SRGAP2: variants seen among roughly 807,000 people sequenced by gnomAD.
The protein encoded by SRGAP2 is SLIT-ROBO Rho GTPase activating protein 2.
In SRGAP2, 15 loss-of-function variants were observed where a neutral mutation model predicts 57.2. The ratio of observed to expected loss-of-function variants is 0.26; its 90% CI spans 0.18 to 0.40. The LOEUF is 0.40. Among genes scored for constraint, SRGAP2 ranks in the 10% least tolerant of loss-of-function variants. SRGAP2 has a pLI of 1.00. For synonymous variants in SRGAP2, 249 were observed against 248.0 expected, an observed-to-expected ratio of 1.00 and a Z score of -0.04; for missense variants, 520 against 669.6, an observed-to-expected ratio of 0.78 and a Z score of 2.47.
chr1:206,355,519 A>C (rs1446813478), intron 4 of SRGAP2, among the ~76,000 whole-genome samples: 1 of 152,104 alleles, frequency 6.6e-6, no homozygotes, highest in African/African-American at 2.4e-5. Context: ...TTTAAATCAC[A>C]TGATAGAAAC....
rs562113886 is a variant in SRGAP2 at position 206,424,714 on chromosome 1, A to AATTC, written c.1494+3441_1494+3442insTTCA. On this transcript the variant is annotated intron_variant, in intron 13 of 22. Transcript: ENST00000573034. ...TTAACTCTATGCAAGGGCAGTGGTG[A>AATTC]AGTGCAGGTCTTCGTGGCACCACAG... 8.1e-4 allele frequency among the ~76,000 whole-genome samples: 124 copies of AATTC among 152,380 alleles called. 1 individual carries two copies. The highest frequency in any genetic ancestry group is 2.9e-3 in the African/African-American group (120 of 41,594).
intron 4 of SRGAP2, among the ~76,000 whole-genome samples, chr1:206,375,332 C>G (rs1655099921): frequency 6.6e-6 from 1 of 151,564 alleles, no homozygotes; most frequent in Non-Finnish European, 1.5e-5. Context: ...CATTTCTACT[C>G]TGTGCTTTTA....
intron 7 of SRGAP2, among the ~76,000 whole-genome samples, chr1:206,401,056 T>C (rs1314338172): frequency 6.6e-6 from 1 of 151,072 alleles, no homozygotes; most frequent in Non-Finnish European, 1.5e-5. Context: ...GCAGGTTGTA[T>C]TTTTATTGTT....
chr1:206,418,642 A>G (rs111547993), intron 11 of SRGAP2, among the ~76,000 whole-genome samples: 691 of 152,310 alleles, frequency 4.5e-3, no homozygotes, highest in Non-Finnish European at 8.0e-3. Context: ...AATACTTCTC[A>G]TGAACTTGAA....
chr1:206,372,935 C>A (rs1654700040), intron 4 of SRGAP2, among the ~76,000 whole-genome samples: 1 of 7,848 alleles, frequency 1.3e-4, no homozygotes, highest in Non-Finnish European at 1.9e-4. Flanking sequence ...TTCTTTCTTT[C>A]TTTCTTTCTT....
At chr1:206,323,185 A>T (rs144703004) in intron 3 of SRGAP2, among the ~76,000 whole-genome samples, 69,178 of 148,702 alleles carry the variant, frequency 0.47, 16,203 homozygotes, top group East Asian at 0.71. Flanking sequence ...CAGACCTTCA[A>T]TGTAGTTATA....
In SRGAP2 at chr1:206,458,792, T is replaced by G; in HGVS notation, c.2677T>G (p.Cys893Gly). 1.3e-6 allele frequency: 1 copy of G among 780,786 alleles called. No homozygotes were observed. Among genetic ancestry groups the G allele is most frequent in the Non-Finnish European group, 2.4e-6 (1 of 417,962 alleles). The allele number at this position is 780,786 out of a possible 1,614,324, so 48.4% of individuals were successfully genotyped here. A position where few individuals can be genotyped will look rare whatever the true frequency, so the allele number is the denominator to read the frequency against. Residue 893 changes from cysteine (C) to glycine (G), a missense_variant, in exon 22 of 23, where the codon TGT becomes GGT. This residue lies in a region of SRGAP2 where 478 missense variants were observed against 373.6 expected (regional missense o/e 1.28). Coordinates refer to ENST00000573034, the MANE Select transcript of SRGAP2 (RefSeq NM_015326.5). ...CCTCCCCAAAGAAGGGCCAGATAAGTGTTCCATCAGTGGGCACGGGAGCCT... is the reference window on the plus strand; with the variant it reads ...CCTCCCCAAAGAAGGGCCAGATAAGGGTTCCATCAGTGGGCACGGGAGCCT... ...QSLPKEGPDK[C>G]SISGHGSLNS...
At chr1:206,434,055 T>C (rs1286440062) in intron 14 of SRGAP2, among the ~76,000 whole-genome samples, 1 of 152,226 alleles carries the variant, frequency 6.6e-6, no homozygotes, top group African/African-American at 2.4e-5. Flanking sequence ...TAAAAATTTT[T>C]GTGTATAGGC....
At chr1:206,402,358 C>G (rs1451690357) in intron 8 of SRGAP2, among the ~76,000 whole-genome samples, 2 of 151,868 alleles carry the variant, frequency 1.3e-5, no homozygotes, top group Non-Finnish European at 2.9e-5. Context: ...ATAAAAAGGG[C>G]CTAAAAAAGC....
intron 3 of SRGAP2, among the ~76,000 whole-genome samples, chr1:206,307,189 C>A (rs1239666348): frequency 1.3e-5 from 2 of 151,648 alleles, no homozygotes; most frequent in East Asian, 1.9e-4. Flanking sequence ...ATATAGAGTG[C>A]CGATTGGTGT....
intron 2 of SRGAP2, among the ~76,000 whole-genome samples, chr1:206,277,847 T>G (rs1355717342): frequency 2.0e-5 from 3 of 152,120 alleles, no homozygotes; most frequent in African/African-American, 7.2e-5. Context: ...GGCATGGTGG[T>G]GCACGCTTGT....
chr1:206,307,667 C>T (rs2102773499), intron 3 of SRGAP2, among the ~76,000 whole-genome samples: 1 of 152,262 alleles, frequency 6.6e-6, no homozygotes, highest in East Asian at 1.9e-4. Context: ...CTGGGGGACT[C>T]AGTACACCCT....
intron 17 of SRGAP2, among the ~76,000 whole-genome samples, chr1:206,442,624 A>G (rs1042584116): frequency 1.3e-5 from 2 of 152,242 alleles, no homozygotes; most frequent in African/African-American, 4.8e-5. Context: ...AATTCAAATT[A>G]TTCATTTTGT....
At chr1:206,457,662 G>A (rs1663951171) in intron 21 of SRGAP2, among the ~76,000 whole-genome samples, 2 of 152,222 alleles carry the variant, frequency 1.3e-5, no homozygotes, top group Admixed American at 6.5e-5. Flanking sequence ...CAGGCAGAAA[G>A]ATGAGGAAGA....
rs1553379263 is a variant in SRGAP2, at chr1:206,458,640, A to G, written c.2525A>G (p.Glu842Gly). The change falls in exon 22 of 23, where the codon GAA becomes GGA. Residue 842 changes from glutamate (E) to glycine (G), a missense_variant. Glu to Gly is a moderately conservative substitution (Grantham distance 98). Around this residue, in one of 5 missense-constraint regions of SRGAP2, gnomAD observed 478 missense variants for 373.6 expected, o/e 1.28. Coordinates refer to ENST00000573034, the MANE Select transcript of SRGAP2 (RefSeq NM_015326.5). ...GATTGAAGGCAAAGGAAGCGTCCAG[A>G]ATCTGGGAGCATCCGGAAAACTTTT... Reference protein sequence around the residue: ...ANINKQRKRPESGSIRKTFRS... With the variant: ...ANINKQRKRPGSGSIRKTFRS... The G allele has an allele frequency of 1.3e-6, 1 of 763,456 alleles. No homozygotes were observed. Among genetic ancestry groups the G allele is most frequent in the Non-Finnish European group, 2.5e-6 (1 of 407,712 alleles). 47.3% of individuals were successfully genotyped at this position (763,456 alleles called of 1,614,324 possible).
chr1:206,334,573 T>C (rs1365122664), intron 3 of SRGAP2, among the ~76,000 whole-genome samples: 3 of 152,196 alleles, frequency 2.0e-5, no homozygotes, highest in African/African-American at 7.2e-5. Context: ...GGCTTATTGC[T>C]ATTTGGCATA....
intron 20 of SRGAP2, chr1:206,453,707 C>A: frequency 3.7e-6 from 1 of 266,834 alleles, no homozygotes; most frequent in Non-Finnish European, 7.0e-6. Context: ...TATTTGACCA[C>A]CTATATTTCT....
chr1:206,236,306 G>C (rs1451426329), intron 2 of SRGAP2, among the ~76,000 whole-genome samples: 9 of 152,088 alleles, frequency 5.9e-5, no homozygotes, highest in African/African-American at 2.2e-4. Flanking sequence ...CAGCATTCTA[G>C]GCGAATAAAC....
At chr1:206,404,430 GTA>G (rs1658501251) in intron 8 of SRGAP2, among the ~76,000 whole-genome samples, 1 of 152,138 alleles carries the variant, frequency 6.6e-6, no homozygotes. Context: ...AGGACGAACG[GTA>G]ACAAGGTGAC....
Sources: gnomAD v4.1 joint callset for allele counts (sites outside exome capture counted in the v4.1 genomes callset) on GRCh38, gnomAD v4.1.1 for gene constraint, gnomAD v4.1.1 regional missense constraint, MANE v1.5 for transcripts, NCBI Gene and HGNC (gene_info 2026-07-23, HGNC 2026-07-21) for gene names.